Variants in KCNIP4 observed in about 807,000 individuals in gnomAD.
KCNIP4 encodes the protein Kv channel-interacting protein 4.
Under a neutral mutation model 34.0 loss-of-function variants are expected in KCNIP4, and 12 were observed. That is an observed-to-expected ratio of 0.35 (90% CI 0.23 to 0.57). The LOEUF (loss-of-function observed/expected upper bound fraction) is 0.57, where lower values mean the gene tolerates loss of function less well. Ranked by LOEUF, KCNIP4 falls within the 20% of genes least tolerant of loss-of-function variation. The pLI, the probability that KCNIP4 is intolerant of heterozygous loss-of-function variation, is 0.83. For synonymous variants in KCNIP4, 124 were observed against 102.2 expected (o/e 1.21, Z -1.29); for missense variants, 238 against 311.7 (o/e 0.76, Z 1.78).
intron 1 of KCNIP4, among the ~76,000 whole-genome samples, chr4:21,199,068 G>A (rs949817377): frequency 1.3e-5 from 2 of 152,000 alleles, no homozygotes; most frequent in Non-Finnish European, 2.9e-5. Context: ...AAAAAACATC[G>A]TTCCTTTGGG....
intron 3 of KCNIP4, among the ~76,000 whole-genome samples, chr4:20,819,039 C>T (rs1210530497): frequency 6.6e-6 from 1 of 151,340 alleles, no homozygotes; most frequent in Non-Finnish European, 1.5e-5. Context: ...CATGCACCAC[C>T]ACATACAGCT....
At chr4:21,070,535 G>A (rs1744798225) in intron 1 of KCNIP4, among the ~76,000 whole-genome samples, 2 of 151,828 alleles carry the variant, frequency 1.3e-5, no homozygotes, top group East Asian at 1.9e-4. Flanking sequence ...TTTCCCTAAT[G>A]TCTGGCAATG....
chr4:20,916,795 T>C (rs555786631), intron 1 of KCNIP4, among the ~76,000 whole-genome samples: 1 of 151,694 alleles, frequency 6.6e-6, no homozygotes, highest in Non-Finnish European at 1.5e-5. Flanking sequence ...AAACCCATAA[T>C]GGAGGAACAT....
intron 1 of KCNIP4, among the ~76,000 whole-genome samples, chr4:21,285,543 A>T (rs978098240): frequency 4.6e-5 from 7 of 152,150 alleles, no homozygotes; most frequent in Admixed American, 4.6e-4. Context: ...TATAAAACAA[A>T]CAAGGCCGGG....
intron 1 of KCNIP4, among the ~76,000 whole-genome samples, chr4:21,676,119 C>T (rs1231641181): frequency 1.3e-5 from 2 of 152,106 alleles, no homozygotes; most frequent in Non-Finnish European, 1.5e-5. Flanking sequence ...TAGGGTGGAG[C>T]GTCACTGTGT....
intron 1 of KCNIP4, among the ~76,000 whole-genome samples, chr4:21,122,936 C>T (rs908749648): frequency 1.3e-5 from 2 of 152,104 alleles, no homozygotes; most frequent in South Asian, 4.1e-4. Flanking sequence ...ACTGGCTGGG[C>T]ACGGTGGCTC....
intron 2 of KCNIP4, among the ~76,000 whole-genome samples, chr4:20,853,526 T>G (rs1721259103): frequency 6.6e-6 from 1 of 152,152 alleles, no homozygotes; most frequent in Admixed American, 6.5e-5. Context: ...TAAGACCAGA[T>G]ACTGTAAAAA....
At chr4:21,424,627 G>A (rs1236470072) in intron 1 of KCNIP4, among the ~76,000 whole-genome samples, 4 of 150,366 alleles carry the variant, frequency 2.7e-5, no homozygotes, top group Non-Finnish European at 1.5e-5. Context: ...GAAAGAAAGA[G>A]AGAAAGCAAG....
At chr4:21,349,708 A>G (rs1717820635) in intron 1 of KCNIP4, among the ~76,000 whole-genome samples, 1 of 152,154 alleles carries the variant, frequency 6.6e-6, no homozygotes, top group Non-Finnish European at 1.5e-5. Context: ...GGGTTCTTAA[A>G]GGTAGAGTGT....
chr4:21,200,630 CAAA>C (rs1218942483), intron 1 of KCNIP4, among the ~76,000 whole-genome samples: 4 of 151,202 alleles, frequency 2.6e-5, no homozygotes, highest in African/African-American at 9.7e-5. Flanking sequence ...ATGGGAGACT[CAAA>C]GAAGAGAGGG....
At chr4:21,366,024 A>G (rs1243555837) in intron 1 of KCNIP4, among the ~76,000 whole-genome samples, 1 of 152,230 alleles carries the variant, frequency 6.6e-6, no homozygotes, top group Non-Finnish European at 1.5e-5. Context: ...TCAGAATGGT[A>G]TGCTTGATGA....
At chr4:20,746,363 G>C (rs1481176168) in intron 5 of KCNIP4, among the ~76,000 whole-genome samples, 1 of 151,952 alleles carries the variant, frequency 6.6e-6, no homozygotes, top group Non-Finnish European at 1.5e-5. Context: ...CACACACCAG[G>C]GCATGTCGGA....
chr4:21,709,818 T>G (rs1316381278), intron 1 of KCNIP4, among the ~76,000 whole-genome samples: 1 of 152,184 alleles, frequency 6.6e-6, no homozygotes, highest in Non-Finnish European at 1.5e-5. Context: ...ACAATTCTCT[T>G]TAGTGTGAGT....
At chr4:21,441,964 A>T (rs746698894) in intron 1 of KCNIP4, among the ~76,000 whole-genome samples, 3 of 152,270 alleles carry the variant, frequency 2.0e-5, no homozygotes, top group Non-Finnish European at 4.4e-5. Flanking sequence ...ATATCCACTA[A>T]ATATCATCTA....
At chr4:20,994,734 G>T (rs573128454) in intron 1 of KCNIP4, among the ~76,000 whole-genome samples, 1 of 152,154 alleles carries the variant, frequency 6.6e-6, no homozygotes, top group East Asian at 1.9e-4. Context: ...AAAGGCATTC[G>T]CATGTTATCA....
chr4:20,932,785 A>G (rs1003071725), intron 1 of KCNIP4, among the ~76,000 whole-genome samples: 1 of 152,182 alleles, frequency 6.6e-6, no homozygotes, highest in African/African-American at 2.4e-5. Context: ...CTATTTTGCT[A>G]TAATATACAT....
Position 20,729,982 on chromosome 4 carries a change from G to A in KCNIP4, c.*100C>T. 1 of 1,353,256 alleles carries A rather than the reference G, an allele frequency of 7.4e-7. No homozygotes were observed. Among genetic ancestry groups the A allele is most frequent in the Non-Finnish European group, 1.0e-6 (1 of 1,002,820 alleles). 83.8% of individuals were successfully genotyped at this position (1,353,256 alleles called of 1,614,324 possible). On this transcript the variant is annotated 3_prime_UTR_variant, in exon 9 of 9. Coordinates refer to ENST00000382152, the MANE Select transcript of KCNIP4 (RefSeq NM_025221.6). ...AAGCTTGTTTGCATAATATGCTTCA[G>A]TGTCAAGCTGAGCAATCTATGCTAA...
intron 1 of KCNIP4, among the ~76,000 whole-genome samples, chr4:21,330,008 A>C (rs924633304): frequency 2.0e-5 from 3 of 152,212 alleles, no homozygotes; most frequent in African/African-American, 7.2e-5. Context: ...TTACCGTAGG[A>C]TAATTCATTA....
intron 1 of KCNIP4, among the ~76,000 whole-genome samples, chr4:21,627,194 C>T (rs998162433): frequency 2.6e-5 from 4 of 152,098 alleles, no homozygotes. Context: ...ATTACTTTGG[C>T]ACACACATAT....
Sources: gnomAD v4.1 joint callset for allele counts (sites outside exome capture counted in the v4.1 genomes callset) on GRCh38, gnomAD v4.1.1 for gene constraint, MANE v1.5 for transcripts, NCBI Gene and HGNC (gene_info 2026-07-23, HGNC 2026-07-21) for gene names.